CBLB: variants seen among roughly 807,000 people sequenced by gnomAD.
CBLB encodes E3 ubiquitin-protein ligase CBL-B.
In CBLB, 31 loss-of-function variants were observed where a neutral mutation model predicts 104.9. The ratio of observed to expected loss-of-function variants is 0.30; its 90% CI spans 0.22 to 0.40. The LOEUF is 0.40. Among genes scored for constraint, CBLB ranks in the 10% least tolerant of loss-of-function variants. The probability of loss-of-function intolerance (pLI) is 1.00; values close to 1 mark genes in which losing one functional copy is unlikely to be tolerated. For synonymous variants in CBLB, 440 were observed against 422.6 expected (o/e 1.04, Z -0.51); for missense variants, 1,062 against 1,214.6 (o/e 0.87, Z 1.87).
chr3:105,713,398 A>AT (rs897811912), intron 10 of CBLB, among the ~76,000 whole-genome samples: 2 of 151,666 alleles, frequency 1.3e-5, no homozygotes, highest in Non-Finnish European at 2.9e-5. Flanking sequence ...CATTAAAAAA[A>AT]AAAAAATCCT....
At chr3:105,839,453 G>A (rs2089203455) in intron 3 of CBLB, 1 of 152,132 alleles carries the variant, frequency 6.6e-6, no homozygotes, top group Admixed American at 6.5e-5. Flanking sequence ...GATCACAATG[G>A]TAATTCACAA....
chr3:105,867,578 C>A lies in CBLB; in HGVS notation c.-1G>T. On this transcript the variant is annotated 5_prime_UTR_variant, in exon 2 of 19. Coordinates refer to ENST00000394030, the MANE Select transcript of CBLB (RefSeq NM_170662.5). ...TTCTGCCATTCATTGAGTTTGCCAT[C>A]TGGAATTTTAGTTCTTTAAAAGGCA... 1 of 1,614,068 alleles carries A rather than the reference C, an allele frequency of 6.2e-7. No homozygotes were observed. Among genetic ancestry groups the A allele is most frequent in the Non-Finnish European group, 8.5e-7 (1 of 1,179,994 alleles).
intron 3 of CBLB, among the ~76,000 whole-genome samples, chr3:105,801,363 T>C (rs1356845640): frequency 6.6e-6 from 1 of 152,210 alleles, no homozygotes; most frequent in African/African-American, 2.4e-5. Flanking sequence ...GAGAAAAGCA[T>C]ATTTTTAATA....
At chr3:105,717,993 G>C (rs2072170063) in intron 10 of CBLB, among the ~76,000 whole-genome samples, 1 of 152,106 alleles carries the variant, frequency 6.6e-6, no homozygotes, top group African/African-American at 2.4e-5. Flanking sequence ...GGTAAACTGA[G>C]GAAGAAAGAG....
Position 105,745,932 on chromosome 3 carries a change from C to T in CBLB, c.830G>A (p.Ser277Asn). 1 of 1,611,908 alleles carries T rather than the reference C, an allele frequency of 6.2e-7. No individual in the cohort carries two copies. The highest frequency in any genetic ancestry group is 8.5e-7 in the Non-Finnish European group (1 of 1,178,120). The part of the protein sequence containing the change: ...DEVKARLQKY[S>N]TKPGSYIFRL... Reference sequence around the variant, plus strand: ...AAAGTCTTACCTTCCGGGTTTGGTGCTATATTTCTGTAGTCGTGCTTTAAC... The same window carrying T: ...AAAGTCTTACCTTCCGGGTTTGGTGTTATATTTCTGTAGTCGTGCTTTAAC... The change falls in exon 6 of 19, where the codon AGC (serine) becomes AAC (asparagine). Residue 277 changes from serine to asparagine, a missense_variant. Transcript: ENST00000394030.
At chr3:105,772,965 G>A (rs2079029645) in intron 4 of CBLB, among the ~76,000 whole-genome samples, 6 of 152,154 alleles carry the variant, frequency 3.9e-5, no homozygotes, top group Admixed American at 3.9e-4. Context: ...CAACCACTAT[G>A]GAAAACAGTA....
At chr3:105,696,870 A>G (rs2068456678) in intron 12 of CBLB, among the ~76,000 whole-genome samples, 2 of 151,914 alleles carry the variant, frequency 1.3e-5, no homozygotes, top group South Asian at 4.1e-4. Flanking sequence ...AAAACTGACT[A>G]CATTATTACT....
At chr3:105,758,788 G>C (rs967087879) in intron 4 of CBLB, among the ~76,000 whole-genome samples, 5 of 152,242 alleles carry the variant, frequency 3.3e-5, no homozygotes, top group African/African-American at 9.6e-5. Context: ...GTGGGCACCT[G>C]TGTCTGGAGG....
intron 3 of CBLB, among the ~76,000 whole-genome samples, chr3:105,816,904 G>A (rs1031150988): frequency 5.9e-5 from 9 of 152,050 alleles, no homozygotes; most frequent in Non-Finnish European, 1.0e-4. Context: ...AAAAAAAAAG[G>A]GTTTTTGATA....
Position 105,678,568 on chromosome 3 carries a change from T to A in CBLB, c.2432A>T (p.Glu811Val), listed in dbSNP as rs766566439. 3 of 1,612,828 alleles carry A rather than the reference T, an allele frequency of 1.9e-6. No individual in the cohort carries two copies. In the South Asian group the frequency reaches 3.3e-5, roughly 18 times the overall value. ...TGGAGGGAGGGCATCAAAAGCATCT[T>A]CACCTGCATTTAAAGAAAGGTCGAT... ...DYDLLIPPLG[E>V]DAFDALPPSL... Residue 811 changes from glutamate to valine, a missense_variant, in exon 17 of 19, where the codon GAA becomes GTA. Glu to Val is a moderately radical substitution (Grantham distance 121, BLOSUM62 -2). Coordinates refer to ENST00000394030, the MANE Select transcript of CBLB (RefSeq NM_170662.5).
chr3:105,741,094 G>GTTT lies in CBLB; in HGVS notation c.846-464_846-463insAAA, dbSNP rs1560039049. ...TTTGTAATTTAGACATAAAAATTAG[G>GTTT]GTTTTTTTTTTTTTTTTTTTTTTGA... On this transcript the variant is annotated intron_variant, in intron 6 of 18. Coordinates refer to ENST00000394030, the MANE Select transcript of CBLB (RefSeq NM_170662.5). 3.0e-3 allele frequency among the ~76,000 whole-genome samples: 160 copies of GTTT among 53,582 alleles called. 4 individuals are homozygous for GTTT. Among genetic ancestry groups the GTTT allele is most frequent in the African/African-American group, 9.5e-3 (148 of 15,614 alleles). 35.2% of individuals were successfully genotyped at this position (53,582 alleles called of 152,430 possible). A position where few individuals can be genotyped will look rare whatever the true frequency, so the allele number is the denominator to read the frequency against.
intron 12 of CBLB, 146 bp downstream of exon 12, chr3:105,701,948 T>C (rs2069187800): frequency 1.2e-6 from 1 of 842,668 alleles, no homozygotes; most frequent in African/African-American, 1.7e-5. Context: ...AATGAGCTTC[T>C]GATTATTTAT....
At chr3:105,669,331 C>T (rs941454751) in intron 18 of CBLB, among the ~76,000 whole-genome samples, 16 of 152,190 alleles carry the variant, frequency 1.1e-4, no homozygotes, top group African/African-American at 3.9e-4. Flanking sequence ...GATCCCAGAG[C>T]ACTCCCTTGC....
chr3:105,710,331 A>G (rs554926348), intron 10 of CBLB, among the ~76,000 whole-genome samples: 2 of 152,034 alleles, frequency 1.3e-5, no homozygotes, highest in South Asian at 2.1e-4. Flanking sequence ...ACAAACAAAT[A>G]TAAGTATGGA....
intron 2 of CBLB, among the ~76,000 whole-genome samples, chr3:105,856,304 C>T (rs1184906455): frequency 7.5e-6 from 1 of 133,460 alleles, no homozygotes; most frequent in African/African-American, 2.8e-5. Flanking sequence ...GAGCTGAGAT[C>T]ACATCACTGC....
intron 3 of CBLB, among the ~76,000 whole-genome samples, chr3:105,816,519 C>T (rs988304703): frequency 6.6e-6 from 1 of 152,142 alleles, no homozygotes; most frequent in African/African-American, 2.4e-5. Context: ...ATACTTCTCA[C>T]TAATCCCTAT....
At chr3:105,767,155 T>C (rs888755289) in intron 4 of CBLB, among the ~76,000 whole-genome samples, 1 of 152,204 alleles carries the variant, frequency 6.6e-6, no homozygotes, top group Non-Finnish European at 1.5e-5. Context: ...CTTTGAATCC[T>C]ACTTTAGTTC....
At chr3:105,795,805 G>A (rs751918094) in intron 3 of CBLB, among the ~76,000 whole-genome samples, 6 of 151,914 alleles carry the variant, frequency 3.9e-5, no homozygotes, top group Non-Finnish European at 2.9e-5. Context: ...GTGCAGTGGC[G>A]CCATCTCGGC....
rs1317746265 is a variant in CBLB at position 105,815,497 on chromosome 3, A to G, written c.419+37917T>C. Among the ~76,000 whole-genome samples the G allele has an allele frequency of 2.0e-5, 3 of 152,232 alleles. No homozygotes were observed. The South Asian group carries it at 6.2e-4, about 31-fold the overall frequency. On this transcript the variant is annotated intron_variant, in intron 3 of 18. Transcript: ENST00000394030. ...AAATGCAAATCAAAACCACAATGAC[A>G]TACCATCTCACGCCAGTTAGAATGG...
Sources: allele counts gnomAD v4.1 joint callset (sites outside exome capture counted in the v4.1 genomes callset), GRCh38; gene constraint gnomAD v4.1.1; transcripts MANE v1.5; gene names NCBI Gene and HGNC (gene_info 2026-07-23, HGNC 2026-07-21).